TRIO: variants seen among roughly 807,000 people sequenced by gnomAD.
TRIO encodes the protein trio Rho guanine nucleotide exchange factor.
Under a neutral mutation model 351.9 loss-of-function variants are expected in TRIO, and 58 were observed. The ratio of observed to expected loss-of-function variants is 0.16; its 90% confidence interval spans 0.13 to 0.21. The LOEUF (loss-of-function observed/expected upper bound fraction) is 0.21. Among genes scored for constraint, TRIO ranks in the 10% least tolerant of loss-of-function variants. TRIO has a pLI of 1.00. For missense variants in TRIO, 3,201 were observed against 4,027.8 expected (o/e 0.79, Z 5.56); for synonymous variants, 1,758 against 1,595.7 (o/e 1.10, Z -2.42).
intron 48 of TRIO, chr5:14,489,186 G>A (rs999576455): frequency 3.4e-6 from 2 of 584,760 alleles, no homozygotes; most frequent in Non-Finnish European, 6.1e-6. Flanking sequence ...TCTAGCTTTT[G>A]CATGTCTTTC....
rs1213389210 is a variant in TRIO at position 14,462,764 on chromosome 5, A to T, written c.5506A>T (p.Asn1836Tyr). ...CTTGACTGGATTTCAGAGAGGCCGG[A>T]ACGAGGGCCTGAGCAGCGGTACTCT... is the stretch of plus-strand genomic sequence containing the variant. ...QDETVEERGR[N>Y]EGLSSGTLSK... Residue 1836 changes from asparagine to tyrosine, a missense_variant, in exon 36 of 57, where the codon AAC becomes TAC. Asn to Tyr is a moderately radical substitution (Grantham distance 143). Transcript: ENST00000344204. 6.2e-7 allele frequency: 1 copy of T among 1,614,058 alleles called. No individual in the cohort carries two copies. The highest frequency in any genetic ancestry group is 8.5e-7 in the Non-Finnish European group (1 of 1,180,012).
chr5:14,268,955 G>A lies in TRIO; in HGVS notation c.158-1870G>A, dbSNP rs1795842164. On this transcript the variant is annotated intron_variant, in intron 1 of 56. Coordinates refer to ENST00000344204, the MANE Select transcript of TRIO (RefSeq NM_007118.4). ...ATTGCATCCATTCAAGAGTTTTGAAGGAACCTGAGGATGAAATTGCAGAAC... is the reference window on the plus strand; with the variant it reads ...ATTGCATCCATTCAAGAGTTTTGAAAGAACCTGAGGATGAAATTGCAGAAC... Among the ~76,000 whole-genome samples the A allele has an allele frequency of 2.6e-5, 4 of 152,158 alleles. 1 individual carries two copies. The highest frequency in any genetic ancestry group is 2.6e-4 in the Admixed American group (4 of 15,280).
chr5:14,294,916 C>G (rs993765391), intron 6 of TRIO, among the ~76,000 whole-genome samples: 12 of 152,104 alleles, frequency 7.9e-5, no homozygotes, highest in Non-Finnish European at 1.5e-4. Flanking sequence ...TGAGTTACAG[C>G]TATTTTTTTT....
At chr5:14,214,660 A>G (rs1457212327) in intron 1 of TRIO, among the ~76,000 whole-genome samples, 1 of 152,210 alleles carries the variant, frequency 6.6e-6, no homozygotes, top group Non-Finnish European at 1.5e-5. Context: ...CAAATCAGAA[A>G]TCAATTTCAT....
chr5:14,147,777 T>C (rs1787601409), intron 1 of TRIO, among the ~76,000 whole-genome samples: 1 of 152,218 alleles, frequency 6.6e-6, no homozygotes, highest in Non-Finnish European at 1.5e-5. Flanking sequence ...ACTTAGGTAG[T>C]TGGCCTGGGG....
At chr5:14,455,049 G>C (rs1579703272) in intron 34 of TRIO, among the ~76,000 whole-genome samples, 1 of 152,140 alleles carries the variant, frequency 6.6e-6, no homozygotes. Context: ...GCTGGCCTCA[G>C]GAGTGAAGCT....
intron 1 of TRIO, among the ~76,000 whole-genome samples, chr5:14,251,664 C>T (rs6554851): frequency 0.34 from 51,231 of 151,948 alleles, 10,070 homozygotes; most frequent in African/African-American, 0.55. Flanking sequence ...AGAGGTGGGG[C>T]GTCTTTTCGT....
chr5:14,157,208 C>G (rs574423293), intron 1 of TRIO, among the ~76,000 whole-genome samples: 2 of 152,262 alleles, frequency 1.3e-5, no homozygotes, highest in Admixed American at 1.3e-4. Flanking sequence ...CCTTCATTGA[C>G]TAAATATTTC....
intron 11 of TRIO, 75 bp from the exon 12 acceptor site, chr5:14,358,103 C>CACCCTTGGACACT: frequency 6.6e-7 from 1 of 1,511,342 alleles, no homozygotes; most frequent in East Asian, 2.4e-5. Flanking sequence ...TCCACTGGGG[C>CACCCTTGGACACT]CCCTTGGACA....
chr5:14,382,896 G>T (rs543101532), intron 21 of TRIO, among the ~76,000 whole-genome samples: 4 of 146,240 alleles, frequency 2.7e-5, no homozygotes, highest in Non-Finnish European at 6.0e-5. Flanking sequence ...TGTTACCCAG[G>T]CTGGAATACA....
chr5:14,242,919 T>C (rs796175347), intron 1 of TRIO, among the ~76,000 whole-genome samples: 4 of 152,162 alleles, frequency 2.6e-5, no homozygotes, highest in African/African-American at 9.7e-5. Flanking sequence ...TCTAAATCCC[T>C]CTCTACTCCG....
intron 1 of TRIO, among the ~76,000 whole-genome samples, chr5:14,154,680 G>T (rs1037878339): frequency 6.6e-6 from 1 of 152,050 alleles, no homozygotes; most frequent in Non-Finnish European, 1.5e-5. Context: ...TGTTGTTTTC[G>T]AGCATCATTT....
intron 1 of TRIO, among the ~76,000 whole-genome samples, chr5:14,197,999 G>T (rs1250579981): frequency 6.6e-6 from 1 of 152,128 alleles, no homozygotes; most frequent in Non-Finnish European, 1.5e-5. Flanking sequence ...AAATATCCTT[G>T]TAATGATAGT....
chr5:14,235,420 A>G (rs1581413290), intron 1 of TRIO, among the ~76,000 whole-genome samples: 1 of 152,326 alleles, frequency 6.6e-6, no homozygotes, highest in Middle Eastern at 3.4e-3. Flanking sequence ...TATTTTCTCT[A>G]GTAAGTCTTC....
intron 1 of TRIO, among the ~76,000 whole-genome samples, chr5:14,241,612 G>A (rs989892215): frequency 1.3e-5 from 2 of 152,134 alleles, no homozygotes. Flanking sequence ...GGATATAGAG[G>A]CATTGTCAGC....
rs2126718977 is a variant in TRIO at position 14,507,009 on chromosome 5, C to T, written c.8613-113C>T. 4 of 1,387,338 alleles carry T rather than the reference C, an allele frequency of 2.9e-6. No individual in the cohort carries two copies. The East Asian group carries it at 1.1e-4, about 37-fold the overall frequency. 85.9% of individuals were successfully genotyped at this position (1,387,338 alleles called of 1,614,324 possible). A position where few individuals can be genotyped will look rare whatever the true frequency, so the allele number is the denominator to read the frequency against. The stretch of plus-strand genomic sequence containing the variant: ...CGCCTTAGAGGCACGGCCCTGAGAT[C>T]CCGATGACACATTCATAACAGGTGA... On this transcript the variant is annotated intron_variant, in intron 55 of 56. Coordinates refer to ENST00000344204, the MANE Select transcript of TRIO (RefSeq NM_007118.4).
intron 33 of TRIO, among the ~76,000 whole-genome samples, chr5:14,408,745 C>T (rs769895785): frequency 1.8e-4 from 27 of 152,048 alleles, no homozygotes; most frequent in South Asian, 8.3e-4. Flanking sequence ...GAAAGTGGCC[C>T]GCATTCAGGG....
At position 14,421,052 on chromosome 5, in the gene TRIO, G is replaced by A. The variant is rs369123327; in HGVS notation, c.5203+1031G>A. On this transcript the variant is annotated intron_variant, in intron 34 of 56. Coordinates refer to ENST00000344204, the MANE Select transcript of TRIO (RefSeq NM_007118.4). ...TTTGTTTTTCCCTATGATACTCTCC[G>A]ATATTCTTGTACCTGGAAAGTCACT... Among the ~76,000 whole-genome samples the A allele has an allele frequency of 5.3e-5, 8 of 152,018 alleles. No homozygotes were observed. In the East Asian group the frequency reaches 7.7e-4, roughly 15 times the overall value.
Position 14,350,445 on chromosome 5 carries a change from C to T in TRIO, c.2047-7733C>T, listed in dbSNP as rs187124549. 8.2e-4 allele frequency among the ~76,000 whole-genome samples: 125 copies of T among 152,308 alleles called. 1 individual carries two copies. The highest frequency in any genetic ancestry group is 4.4e-3 in the South Asian group (21 of 4,814). The stretch of plus-strand genomic sequence containing the variant: ...CCCAAAGTCAAATTCTTCTTTTAGA[C>T]TTGATACTGTTTGGTTAGTTTAAGT... On this transcript the variant is annotated intron_variant, in intron 11 of 56. Coordinates refer to ENST00000344204, the MANE Select transcript of TRIO (RefSeq NM_007118.4).
Sources: gnomAD v4.1 joint callset for allele counts (sites outside exome capture counted in the v4.1 genomes callset) on GRCh38, gnomAD v4.1.1 for gene constraint, MANE v1.5 for transcripts, NCBI Gene and HGNC (gene_info 2026-07-23, HGNC 2026-07-21) for gene names.